The following VPS13C variants were observed in gnomAD, a reference collection of about 807,000 sequenced individuals.
The protein encoded by VPS13C is vacuolar protein sorting 13 homolog C, also known as intermembrane lipid transfer protein VPS13C.
VPS13C carries 358 observed loss-of-function variants against 456.8 expected under a neutral mutation model. The observed-to-expected ratio is 0.78, with a 90% CI of 0.72 to 0.86. The LOEUF (loss-of-function observed/expected upper bound fraction) is 0.86. VPS13C is among the 40% of genes least tolerant of loss of function. The probability of loss-of-function intolerance (pLI) is 0.00; values close to 1 mark genes in which losing one functional copy is unlikely to be tolerated. For synonymous variants in VPS13C, 1,578 were observed against 1,486.7 expected, an observed-to-expected ratio of 1.06 and a Z score of -1.41; for missense variants, 4,818 against 4,385.4, an observed-to-expected ratio of 1.10 and a Z score of -2.79.
chr15:61,872,545 T>C (rs1895112603), intron 78 of VPS13C, among the ~76,000 whole-genome samples: 1 of 152,134 alleles, frequency 6.6e-6, no homozygotes, highest in South Asian at 2.1e-4. Flanking sequence ...TACAAATTAC[T>C]ATCAAAAAAC....
intron 1 of VPS13C, among the ~76,000 whole-genome samples, chr15:62,044,679 C>T (rs1331263319): frequency 6.6e-6 from 1 of 152,146 alleles, no homozygotes; most frequent in Middle Eastern, 3.2e-3. Flanking sequence ...TCTTCAGAAA[C>T]ATGGTGTTAG....
At chr15:61,992,872 G>A (rs2046267073) in intron 16 of VPS13C, among the ~76,000 whole-genome samples, 1 of 151,850 alleles carries the variant, frequency 6.6e-6, no homozygotes, top group Admixed American at 6.6e-5. Flanking sequence ...CAAGAAAGAG[G>A]TATTTTTTTT....
In VPS13C at chr15:61,909,124, T is replaced by C. The variant is rs751681871; in HGVS notation, c.8846A>G (p.Asn2949Ser). The C allele has an allele frequency of 1.3e-5, 21 of 1,598,256 alleles. No homozygotes were observed. The South Asian group carries it at 1.5e-4, about 12-fold the overall frequency. Residue 2949 changes from asparagine (N) to serine (S), a missense_variant and splice_region_variant, in exon 65 of 85, where the codon AAT (asparagine) becomes AGT (serine). By Grantham distance (46) the Asn-to-Ser change is conservative. Around this residue, in one of 3 missense-constraint regions of VPS13C, gnomAD observed 4,552 missense variants for 4,130.6 expected, o/e 1.10. Transcript: ENST00000644861. ...GTTTACATCCACCAAGATACCCCCA[T>C]TCTATTGTAGAAAAAAAAAAAGTAT... Reference protein sequence around the residue: ...NGTLLSLEDLNGGILVDVNTA... With the variant: ...NGTLLSLEDLSGGILVDVNTA...
chr15:62,045,504 C>T (rs936158464), intron 1 of VPS13C, among the ~76,000 whole-genome samples: 1 of 152,020 alleles, frequency 6.6e-6, no homozygotes, highest in Middle Eastern at 3.4e-3. Context: ...TTTTAGAAAG[C>T]ACATATGGTT....
intron 2 of VPS13C, among the ~76,000 whole-genome samples, chr15:62,042,913 A>G (rs1315973371): frequency 1.3e-5 from 2 of 150,752 alleles, no homozygotes; most frequent in African/African-American, 4.8e-5. Context: ...CTTAAAGTAT[A>G]ATAAAAAATA....
intron 66 of VPS13C, among the ~76,000 whole-genome samples, chr15:61,905,819 G>T (rs888327325): frequency 6.6e-6 from 1 of 151,828 alleles, no homozygotes; most frequent in Non-Finnish European, 1.5e-5. Flanking sequence ...GGATTAAATG[G>T]GATATAAATA....
chr15:61,994,594 C>CT (rs61199977), intron 16 of VPS13C, among the ~76,000 whole-genome samples: 2,550 of 145,102 alleles, frequency 0.018, 52 homozygotes, highest in African/African-American at 0.052. Context: ...ATTCAGCTAT[C>CT]TTTTTTTTTT....
At chr15:61,998,246 G>C (rs181068269) in intron 16 of VPS13C, among the ~76,000 whole-genome samples, 1 of 152,134 alleles carries the variant, frequency 6.6e-6, no homozygotes, top group African/African-American at 2.4e-5. Context: ...TTCCTTGTTA[G>C]TGAGGCTTTT....
chr15:61,921,113 T>C (rs560182962), intron 55 of VPS13C, among the ~76,000 whole-genome samples: 44 of 152,250 alleles, frequency 2.9e-4, no homozygotes, highest in African/African-American at 9.9e-4. Context: ...TCAGATTCCA[T>C]CAGCTTCTGT....
At chr15:61,995,901 G>A (rs191151644) in intron 16 of VPS13C, among the ~76,000 whole-genome samples, 8 of 152,302 alleles carry the variant, frequency 5.3e-5, no homozygotes, top group Admixed American at 4.6e-4. Context: ...TACAGACATA[G>A]AAAACTACTA....
intron 8 of VPS13C, among the ~76,000 whole-genome samples, chr15:62,022,182 A>G (rs1321251275): frequency 6.6e-6 from 1 of 151,890 alleles, no homozygotes; most frequent in Non-Finnish European, 1.5e-5. Context: ...GATATGTTCC[A>G]AGCCCCCTAG....
intron 23 of VPS13C, among the ~76,000 whole-genome samples, chr15:61,978,154 A>G (rs1356043832): frequency 1.3e-5 from 2 of 152,108 alleles, no homozygotes; most frequent in East Asian, 3.8e-4. Flanking sequence ...TATATCTACT[A>G]TTCTGTAGAT....
At chr15:61,868,309 G>A (rs1334575099) in intron 81 of VPS13C, among the ~76,000 whole-genome samples, 1 of 151,872 alleles carries the variant, frequency 6.6e-6, no homozygotes, top group African/African-American at 2.4e-5. Flanking sequence ...AAATTAATTT[G>A]GTTGGGAGAA....
At chr15:61,889,849 T>C (rs1896549143) in intron 67 of VPS13C, among the ~76,000 whole-genome samples, 1 of 151,928 alleles carries the variant, frequency 6.6e-6, no homozygotes, top group Non-Finnish European at 1.5e-5. Context: ...TCCTTTCCTT[T>C]TCTCAGTATT....
At chr15:62,009,983 C>G (rs760372495) in intron 13 of VPS13C, among the ~76,000 whole-genome samples, 1 of 151,978 alleles carries the variant, frequency 6.6e-6, no homozygotes, top group Non-Finnish European at 1.5e-5. Context: ...GTCAGGAGAT[C>G]GAGACCACCC....
intron 15 of VPS13C, among the ~76,000 whole-genome samples, chr15:62,001,679 C>G (rs1240160518): frequency 6.6e-6 from 1 of 152,170 alleles, no homozygotes; most frequent in Non-Finnish European, 1.5e-5. Flanking sequence ...TCCCCACAAC[C>G]CACAACAGTC....
intron 66 of VPS13C, among the ~76,000 whole-genome samples, chr15:61,901,386 T>G (rs1318896426): frequency 1.3e-5 from 2 of 151,722 alleles, no homozygotes; most frequent in African/African-American, 4.8e-5. Context: ...ATATCCAGAA[T>G]CTACAATGAA....
Position 61,934,288 on chromosome 15 carries a change from A to C in VPS13C, c.5799T>G (p.Ile1933Met). ...WTDSKLSMNQ[I>M]VSLQFDFHFE... Reference sequence around the variant, plus strand: ...AGTGAAAGTCAAATTGGAGACTGACAATCTGGTTCATAGAGAGCTTTGAGT... The same window carrying C: ...AGTGAAAGTCAAATTGGAGACTGACCATCTGGTTCATAGAGAGCTTTGAGT... Residue 1933 changes from isoleucine (I) to methionine (M), a missense_variant, in exon 49 of 85, where the codon ATT becomes ATG. Physicochemically the swap from Ile to Met is conservative, Grantham distance 10. Around this residue, in one of 3 missense-constraint regions of VPS13C, gnomAD observed 4,552 missense variants for 4,130.6 expected, o/e 1.10. Transcript: ENST00000644861. The C allele has an allele frequency of 6.3e-7, 1 of 1,597,840 alleles. No homozygotes were observed. The highest frequency in any genetic ancestry group is 1.3e-5 in the African/African-American group (1 of 74,596).
At chr15:61,968,159 G>A (rs191632764) in intron 28 of VPS13C, among the ~76,000 whole-genome samples, 1 of 151,742 alleles carries the variant, frequency 6.6e-6, no homozygotes, top group African/African-American at 2.4e-5. Context: ...TCTAAATTGA[G>A]ATTTGTTTTA....
Sources: gnomAD v4.1 joint callset for allele counts (sites outside exome capture counted in the v4.1 genomes callset) on GRCh38, gnomAD v4.1.1 for gene constraint, gnomAD v4.1.1 regional missense constraint, MANE v1.5 for transcripts, NCBI Gene and HGNC (gene_info 2026-07-23, HGNC 2026-07-21) for gene names.